Variants in ATP6V0A1 observed in about 807,000 individuals in gnomAD.
ATP6V0A1 encodes ATPase H+ transporting V0 subunit a1, also known as V-type proton ATPase 116 kDa subunit a 1.
A neutral mutation model predicts 105.4 loss-of-function variants in ATP6V0A1; 43 were observed. That is an observed-to-expected ratio of 0.41 (90% confidence interval 0.32 to 0.53). The LOEUF (loss-of-function observed/expected upper bound fraction) is 0.53. ATP6V0A1 is among the 20% of genes least tolerant of loss of function. The pLI is 0.30. For synonymous variants in ATP6V0A1, 362 were observed against 372.8 expected, an observed-to-expected ratio of 0.97 and a Z score of 0.33; for missense variants, 676 against 1,051.1, an observed-to-expected ratio of 0.64 and a Z score of 4.93.
chr17:42,465,585 C>T (rs1046510080), intron 2 of ATP6V0A1, among the ~76,000 whole-genome samples: 9 of 151,932 alleles, frequency 5.9e-5, no homozygotes, highest in African/African-American at 1.2e-4. Flanking sequence ...CCACCGTGAC[C>T]GGCCAGATTG....
At position 42,521,132 on chromosome 17, in the gene ATP6V0A1, G is replaced by A; in HGVS notation, c.*12G>A. On this transcript the variant is annotated 3_prime_UTR_variant, in exon 22 of 22. Coordinates refer to ENST00000343619, the MANE Select transcript of ATP6V0A1 (RefSeq NM_001130021.3). This position sits in a 1 kb window ranked among gnomAD's most constrained non-coding sequence, Gnocchi z 4.8. Reference sequence around the variant, plus strand: ...AGTTTGAAGAGTGAGTCCCTGTGAGGGCCGTGTGCCCCATGCTACCCTCCC... The same window carrying A: ...AGTTTGAAGAGTGAGTCCCTGTGAGAGCCGTGTGCCCCATGCTACCCTCCC... 1 of 1,595,492 alleles carries A rather than the reference G, an allele frequency of 6.3e-7. No homozygotes were observed. Among genetic ancestry groups the A allele is most frequent in the Non-Finnish European group, 8.5e-7 (1 of 1,169,680 alleles).
chr17:42,510,958 G>A (rs1043839350), intron 19 of ATP6V0A1: 5 of 152,220 alleles, frequency 3.3e-5, no homozygotes, highest in Non-Finnish European at 5.9e-5. Context: ...TAAGGAGTAA[G>A]AGAAGATTCG....
At position 42,478,463 on chromosome 17, in the gene ATP6V0A1, C is replaced by T. The variant is rs1433493325; in HGVS notation, c.507C>T (p.Gly169=). The T allele has an allele frequency of 6.3e-7, 1 of 1,597,404 alleles. No individual in the cohort carries two copies. The highest frequency in any genetic ancestry group is 2.3e-5 in the East Asian group (1 of 43,842). ...TCCAATCTGCCTCTTCTCCCCACAG[C>T]TTCGTGGCTGGTGTCATTAACCGGG... ...EMGRGTPLRL[G]FVAGVINRER... is the part of the protein sequence containing the mutation. Residue 169 remains glycine (G), a splice_region_variant and synonymous_variant, in exon 7 of 22, where the codon GGC becomes GGT. Coordinates refer to ENST00000343619, the MANE Select transcript of ATP6V0A1 (RefSeq NM_001130021.3).
intron 15 of ATP6V0A1, among the ~76,000 whole-genome samples, chr17:42,499,446 G>A (rs919189510): frequency 2.0e-5 from 3 of 151,892 alleles, no homozygotes; most frequent in African/African-American, 7.3e-5. Context: ...ACTCCAGCCT[G>A]AGCGACAGAG....
intron 9 of ATP6V0A1, among the ~76,000 whole-genome samples, chr17:42,483,765 A>G (rs2089804296): frequency 6.6e-6 from 1 of 152,114 alleles, no homozygotes; most frequent in African/African-American, 2.4e-5. Flanking sequence ...TATTTTTAGT[A>G]GAGACAGGGT....
At chr17:42,501,366 T>A (rs1370503793) in intron 17 of ATP6V0A1, 62 bp downstream of exon 17, 9 of 1,170,678 alleles carry the variant, frequency 7.7e-6, no homozygotes, top group Non-Finnish European at 1.0e-5. Flanking sequence ...TCAAGGCAAT[T>A]CCCCAGTGGA....
chr17:42,514,002 G>A (rs191474956), intron 20 of ATP6V0A1, 24 bp downstream of exon 20: 109 of 1,602,830 alleles, frequency 6.8e-5, no homozygotes, highest in Middle Eastern at 5.0e-4. Context: ...TCCGGGCTCC[G>A]GAACTCTAGT....
At position 42,497,689 on chromosome 17, in the gene ATP6V0A1, A is replaced by AC. The variant is rs974465078; in HGVS notation, c.1561-1235_1561-1234insC. Among the ~76,000 whole-genome samples the AC allele has an allele frequency of 2.0e-5, 3 of 151,406 alleles. No homozygotes were observed. The East Asian group carries it at 5.8e-4, about 29-fold the overall frequency. On this transcript the variant is annotated intron_variant, in intron 14 of 21. Transcript: ENST00000343619. ...CTCCATCTAAAAGAAAAAAAAAAAA[A>AC]AGAAATCATTGTTAATGCATTTACG...
chr17:42,514,686 C>A (rs2092526238), intron 21 of ATP6V0A1, among the ~76,000 whole-genome samples: 2 of 152,136 alleles, frequency 1.3e-5, no homozygotes, highest in South Asian at 2.1e-4. Context: ...AGGGAGATGT[C>A]CCTGGTGAGT....
chr17:42,485,360 T>C (rs1314440524), intron 9 of ATP6V0A1, among the ~76,000 whole-genome samples: 1 of 152,208 alleles, frequency 6.6e-6, no homozygotes, highest in African/African-American at 2.4e-5. Context: ...AAAGAGCATA[T>C]GTGGTAGTCA....
chr17:42,465,871 C>T (rs2086990850), intron 2 of ATP6V0A1, among the ~76,000 whole-genome samples: 1 of 151,786 alleles, frequency 6.6e-6, no homozygotes, highest in South Asian at 2.1e-4. Context: ...GAGGCTGAGG[C>T]GGGAGAATTG....
intron 6 of ATP6V0A1, 69 bp downstream of exon 6, chr17:42,477,811 G>A (rs1176667051): frequency 7.7e-7 from 1 of 1,299,958 alleles, no homozygotes; most frequent in Non-Finnish European, 1.1e-6. Flanking sequence ...GAAGAGCAGT[G>A]AGACTGGGGA....
chr17:42,477,403 C>T (rs2088894764), intron 5 of ATP6V0A1, among the ~76,000 whole-genome samples: 1 of 152,032 alleles, frequency 6.6e-6, no homozygotes. Flanking sequence ...TCCTTTTGCT[C>T]CTTATTTCTA....
Position 42,521,159 on chromosome 17 carries a change from G to C in ATP6V0A1, c.*39G>C, listed in dbSNP as rs373032213. On this transcript the variant is annotated 3_prime_UTR_variant, in exon 22 of 22. Transcript: ENST00000343619. The surrounding 1 kb of genome is among the most constrained non-coding windows in gnomAD (Gnocchi z 4.8). ...CCGTGTGCCCCATGCTACCCTCCCC[G>C]CCTCCCTCCACAGTGATCAGCTGTG... 2 of 1,527,592 alleles carry C rather than the reference G, an allele frequency of 1.3e-6. No individual in the cohort carries two copies. The highest frequency in any genetic ancestry group is 1.8e-6 in the Non-Finnish European group (2 of 1,120,788). The allele number at this position is 1,527,592 out of a possible 1,614,324, so 94.6% of individuals were successfully genotyped here.
chr17:42,507,497 ACT>A (rs1475623515), intron 17 of ATP6V0A1, 21 bp from the exon 18 acceptor site: 1 of 1,557,666 alleles, frequency 6.4e-7, no homozygotes, highest in Non-Finnish European at 8.8e-7. Flanking sequence ...GGCAAATTCT[ACT>A]CTTTCTGTTC....
chr17:42,508,907 C>T (rs112412120), intron 19 of ATP6V0A1, among the ~76,000 whole-genome samples: 3 of 152,266 alleles, frequency 2.0e-5, no homozygotes, highest in African/African-American at 7.2e-5. Flanking sequence ...GGGGTTAAGT[C>T]CCATTGGCCT....
chr17:42,499,605 G>C (rs1382707415), intron 15 of ATP6V0A1, among the ~76,000 whole-genome samples: 1 of 151,922 alleles, frequency 6.6e-6, no homozygotes, highest in Non-Finnish European at 1.5e-5. Flanking sequence ...TGGCCCACAT[G>C]GTGAAACTCC....
chr17:42,474,863 CATATT>C (rs2088521089), intron 5 of ATP6V0A1, among the ~76,000 whole-genome samples: 1 of 152,130 alleles, frequency 6.6e-6, no homozygotes, highest in African/African-American at 2.4e-5. Context: ...GAAAAATAAA[CATATT>C]GAATAGTCTT....
chr17:42,493,866 A>G (rs911604982), intron 11 of ATP6V0A1, among the ~76,000 whole-genome samples: 1 of 152,054 alleles, frequency 6.6e-6, no homozygotes, highest in Non-Finnish European at 1.5e-5. Flanking sequence ...CTTTGTGAAG[A>G]TGTGTTGATT....
Sources: allele counts gnomAD v4.1 joint callset (sites outside exome capture counted in the v4.1 genomes callset), GRCh38; gene constraint gnomAD v4.1.1; non-coding constraint Gnocchi (gnomAD v3.1); transcripts MANE v1.5; gene names NCBI Gene and HGNC (gene_info 2026-07-23, HGNC 2026-07-21).